The following SALL1 variants were observed in gnomAD, a reference collection of about 807,000 sequenced individuals.
SALL1 encodes spalt like transcription factor 1, also known as sal-like protein 1.
SALL1 carries 10 observed loss-of-function variants against 73.1 expected under a neutral mutation model. That is an observed-to-expected ratio of 0.14 (90% CI 0.08 to 0.23). The LOEUF is 0.23. SALL1 is among the 10% of genes least tolerant of loss of function. The pLI is 1.00. For missense variants in SALL1, 1,520 were observed against 1,697.3 expected (o/e 0.90, Z 1.84); for synonymous variants, 688 against 689.8 (o/e 1.00, Z 0.04).
At chr16:51,151,305 C>A, upstream of SALL1, 3 of 1,284,210 alleles carry the variant, frequency 2.3e-6, no homozygotes, top group South Asian at 3.8e-5. Flanking sequence ...CTCAAAATTA[C>A]GGAAATCGAG....
chr16:51,140,398 G>T lies in SALL1; in HGVS notation c.1824C>A (p.Leu608=), dbSNP rs1202879836. 6.2e-7 allele frequency: 1 copy of T among 1,614,126 alleles called. No individual in the cohort carries two copies. Among genetic ancestry groups the T allele is most frequent in the Non-Finnish European group, 8.5e-7 (1 of 1,180,002 alleles). ...GAGTGGACCCTTCGGCTTCCTCTGGGAGCCCACCTAGGTTTCTTGTGGCTG... is the reference window on the plus strand; with the variant it reads ...GAGTGGACCCTTCGGCTTCCTCTGGTAGCCCACCTAGGTTTCTTGTGGCTG... The part of the protein sequence containing the change: ...PESATRNLGG[L]PEEAEGSTLP... The change falls in exon 2 of 3, where the codon CTC becomes CTA. Residue 608 remains leucine, a synonymous_variant. Transcript: ENST00000251020. The surrounding 1 kb of genome is among the most constrained non-coding windows in gnomAD (Gnocchi z 5.7).
In SALL1 at chr16:51,137,101, C is replaced by A. The variant is rs375944826; in HGVS notation, c.*11G>T. Reference sequence around the variant, plus strand: ...ACAGGAATGAATGCTATGTCTCCAGCCCGAGCTGCTTTAACTCGTGACGAT... The same window carrying A: ...ACAGGAATGAATGCTATGTCTCCAGACCGAGCTGCTTTAACTCGTGACGAT... On this transcript the variant is annotated 3_prime_UTR_variant, in exon 3 of 3. Coordinates refer to ENST00000251020, the MANE Select transcript of SALL1 (RefSeq NM_002968.3). 3 of 1,614,006 alleles carry A rather than the reference C, an allele frequency of 1.9e-6. No individual in the cohort carries two copies. Among genetic ancestry groups the A allele is most frequent in the Non-Finnish European group, 2.5e-6 (3 of 1,179,976 alleles).
At chr16:51,149,423 G>A (rs917765490) in intron 1 of SALL1, 1 of 152,208 alleles carries the variant, frequency 6.6e-6, no homozygotes, top group South Asian at 2.1e-4. Context: ...GTGACTGCGG[G>A]AAGCAGAAGA....
chr16:51,141,807 T>G lies in SALL1; in HGVS notation c.415A>C (p.Thr139Pro), dbSNP rs1246725096. The change falls in exon 2 of 3, where the codon ACT becomes CCT. Residue 139 changes from threonine (T) to proline (P), a missense_variant. Transcript: ENST00000251020. The surrounding 1 kb of genome is among the most constrained non-coding windows in gnomAD (Gnocchi z 5.4). ...APVANKSGSG[T>P]SSGSHSSTAP... The stretch of plus-strand genomic sequence containing the variant: ...GTACTGCTGTGGCTGCCGCTGGAAG[T>G]GCCGCTGCCGCTTTTGTTAGCAACC... 1 of 1,613,680 alleles carries G rather than the reference T, an allele frequency of 6.2e-7. No homozygotes were observed. The highest frequency in any genetic ancestry group is 8.5e-7 in the Non-Finnish European group (1 of 1,179,964).
intron 1 of SALL1, among the ~76,000 whole-genome samples, chr16:51,145,098 T>TAA (rs3037182): frequency 6.9e-6 from 1 of 145,820 alleles, no homozygotes; most frequent in Non-Finnish European, 1.5e-5. Context: ...GTCTTTTACT[T>TAA]AAAAAAAAAA....
At position 51,136,040 on chromosome 16, in the gene SALL1, C is replaced by T. The variant is rs1962290519; in HGVS notation, c.*1072G>A. 1.3e-5 allele frequency: 2 copies of T among 152,614 alleles called. No homozygotes were observed. The highest frequency in any genetic ancestry group is 1.3e-4 in the Admixed American group (2 of 15,284). 9.5% of individuals were successfully genotyped at this position (152,614 alleles called of 1,614,324 possible). Reference sequence around the variant, plus strand: ...GATTACTTGAGTAAAATTACAGTATCTCTGTTGTTAGTAAGTATTAAATGT... The same window carrying T: ...GATTACTTGAGTAAAATTACAGTATTTCTGTTGTTAGTAAGTATTAAATGT... On this transcript the variant is annotated 3_prime_UTR_variant, in exon 3 of 3. Transcript: ENST00000251020.
chr16:51,149,382 G>A (rs1039579660), intron 1 of SALL1: 1 of 152,074 alleles, frequency 6.6e-6, no homozygotes, highest in Non-Finnish European at 1.5e-5. Flanking sequence ...CGGTGCAAAA[G>A]GTCTCACCAG....
intron 1 of SALL1, among the ~76,000 whole-genome samples, chr16:51,145,229 CA>C (rs1962498767): frequency 6.6e-6 from 1 of 151,628 alleles, no homozygotes; most frequent in African/African-American, 2.4e-5. Flanking sequence ...CACACACACA[CA>C]CACACACACA....
chr16:51,139,615 C>G lies in SALL1; in HGVS notation c.2607G>C (p.Gln869His). ...CCAGGCCAGCATTGATCATCTTCAT[C>G]TGATTTTCCAAAGCAGCGATGCTCG... is the stretch of plus-strand genomic sequence containing the variant. ...EMSSIAALEN[Q>H]MKMINAGLAE... The change falls in exon 2 of 3, where the codon CAG (glutamine) becomes CAC (histidine). Residue 869 changes from glutamine (Q) to histidine (H), a missense_variant. By Grantham distance (24) the Gln-to-His change is conservative. Coordinates refer to ENST00000251020, the MANE Select transcript of SALL1 (RefSeq NM_002968.3). The G allele has an allele frequency of 6.2e-7, 1 of 1,613,578 alleles. No homozygotes were observed. Among genetic ancestry groups the G allele is most frequent in the Admixed American group, 1.7e-5 (1 of 60,006 alleles).
upstream of SALL1, among the ~76,000 whole-genome samples, chr16:51,151,907 G>A (rs924032553): frequency 1.3e-5 from 2 of 151,998 alleles, no homozygotes; most frequent in African/African-American, 4.8e-5. Context: ...CCGGCCCGCG[G>A]GGGGAGGGAG....
chr16:51,147,749 A>T (rs142158309), intron 1 of SALL1, among the ~76,000 whole-genome samples: 270 of 151,016 alleles, frequency 1.8e-3, no homozygotes, highest in Middle Eastern at 6.9e-3. Flanking sequence ...AGTTACAGGA[A>T]TCTTAAAAAC....
At chr16:51,145,310 T>G (rs572951342) in intron 1 of SALL1, among the ~76,000 whole-genome samples, 7 of 152,212 alleles carry the variant, frequency 4.6e-5, no homozygotes, top group African/African-American at 1.7e-4. Flanking sequence ...CTCAGTAATC[T>G]GTTACACAAG....
Position 51,136,405 on chromosome 16 carries a change from CT to C in SALL1, c.*706del, listed in dbSNP as rs886052076. On this transcript the variant is annotated 3_prime_UTR_variant, in exon 3 of 3. Transcript: ENST00000251020. ...CAACTACCAAAACAACGCTTGTTTTCTTTTTCTCTAAAGAATTCTGCGTGCT... is the reference window on the plus strand; with the variant it reads ...CAACTACCAAAACAACGCTTGTTTTCTTTTCTCTAAAGAATTCTGCGTGCT... 4 of 152,614 alleles carry C rather than the reference CT, an allele frequency of 2.6e-5. No individual in the cohort carries two copies. In the South Asian group the frequency reaches 8.3e-4, roughly 32 times the overall value. The allele number at this position is 152,614 out of a possible 1,614,324, so 9.5% of individuals were successfully genotyped here.
At chr16:51,151,566 C>A (rs1962608853), upstream of SALL1, among the ~76,000 whole-genome samples, 1 of 151,714 alleles carries the variant, frequency 6.6e-6, no homozygotes, top group African/African-American at 2.4e-5. Context: ...CCCAATAAGC[C>A]GGCCGCGGGG....
chr16:51,138,945 C>A lies in SALL1; in HGVS notation c.3277G>T (p.Val1093Leu). ...TTACTGTCCTGAGGAGAAACATGCA[C>A]GAAGCCGTTGACCTCTGTCTTGATG... The part of the protein sequence containing the change: ...SLIKTEVNGF[V>L]HVSPQDSKDT... The change falls in exon 2 of 3, where the codon GTG (valine) becomes TTG (leucine). Residue 1093 changes from valine to leucine, a missense_variant. Coordinates refer to ENST00000251020, the MANE Select transcript of SALL1 (RefSeq NM_002968.3). The A allele has an allele frequency of 1.2e-6, 2 of 1,614,098 alleles. No homozygotes were observed. The highest frequency in any genetic ancestry group is 1.7e-6 in the Non-Finnish European group (2 of 1,180,022).
At chr16:51,142,537 T>C (rs1962460467) in intron 1 of SALL1, among the ~76,000 whole-genome samples, 1 of 152,204 alleles carries the variant, frequency 6.6e-6, no homozygotes, top group South Asian at 2.1e-4. Context: ...GTCAACCTTA[T>C]TCATTTTCAA....
Position 51,140,542 on chromosome 16 carries a change from G to C in SALL1, c.1680C>G (p.Pro560=). The change falls in exon 2 of 3, where the codon CCC becomes CCG. Residue 560 remains proline, a synonymous_variant. Coordinates refer to ENST00000251020, the MANE Select transcript of SALL1 (RefSeq NM_002968.3). This position sits in a 1 kb window ranked among gnomAD's most constrained non-coding sequence, Gnocchi z 5.7. ...TLTTSVGLPL[P]PTLPSLIPFI... Reference sequence around the variant, plus strand: ...AGGGTATGAGGCTTGGGAGGGTTGGGGGCAACGGCAGGCCGACTGAAGTGG... The same window carrying C: ...AGGGTATGAGGCTTGGGAGGGTTGGCGGCAACGGCAGGCCGACTGAAGTGG... 1 of 1,613,972 alleles carries C rather than the reference G, an allele frequency of 6.2e-7. No individual in the cohort carries two copies. Among genetic ancestry groups the C allele is most frequent in the Non-Finnish European group, 8.5e-7 (1 of 1,179,916 alleles).
Position 51,139,658 on chromosome 16 carries a change from G to A in SALL1, c.2564C>T (p.Pro855Leu). Reference protein sequence around the residue: ...DASQDSLSSSPLPLEMSSIAA... With the variant: ...DASQDSLSSSLLPLEMSSIAA... The stretch of plus-strand genomic sequence containing the variant: ...GATGCTCGACATCTCGAGGGGCAAA[G>A]GCGAAGAGGATAAGCTGTCTTGGGA... Residue 855 changes from proline (P) to leucine (L), a missense_variant, in exon 2 of 3, where the codon CCT (proline) becomes CTT (leucine). Physicochemically the swap from Pro to Leu is moderately conservative, Grantham distance 98 (BLOSUM62 -3). Around this residue, in one of 7 missense-constraint regions of SALL1, gnomAD observed 266 missense variants for 275.1 expected, o/e 0.97. Transcript: ENST00000251020. The A allele has an allele frequency of 6.2e-7, 1 of 1,614,132 alleles. No homozygotes were observed. Among genetic ancestry groups the A allele is most frequent in the Non-Finnish European group, 8.5e-7 (1 of 1,179,950 alleles).
intron 1 of SALL1, among the ~76,000 whole-genome samples, chr16:51,145,527 G>T (rs543112988): frequency 2.0e-5 from 3 of 151,462 alleles, no homozygotes; most frequent in Admixed American, 1.3e-4. Context: ...CCTTTTGTTG[G>T]GGGGGCGGGA....
Sources: gnomAD v4.1 joint callset for allele counts (sites outside exome capture counted in the v4.1 genomes callset) on GRCh38, gnomAD v4.1.1 for gene constraint, gnomAD v4.1.1 regional missense constraint, Gnocchi (gnomAD v3.1) non-coding constraint, MANE v1.5 for transcripts, NCBI Gene and HGNC (gene_info 2026-07-23, HGNC 2026-07-21) for gene names.